The following PTPN3 variants were observed in gnomAD, a reference collection of about 807,000 sequenced individuals.
The protein encoded by PTPN3 is protein tyrosine phosphatase non-receptor type 3, also known as tyrosine-protein phosphatase non-receptor type 3.
Under a neutral mutation model 132.7 loss-of-function variants are expected in PTPN3, and 96 were observed. The observed-to-expected ratio is 0.72, with a 90% confidence interval of 0.61 to 0.86. The LOEUF (loss-of-function observed/expected upper bound fraction) is 0.86, where lower values mean the gene tolerates loss of function less well. Among genes scored for constraint, PTPN3 ranks in the 40% least tolerant of loss-of-function variants. The probability of loss-of-function intolerance (pLI) is 0.00; values close to 1 mark genes in which losing one functional copy is unlikely to be tolerated. For synonymous variants in PTPN3, 398 were observed against 429.0 expected (o/e 0.93, Z 0.89); for missense variants, 1,125 against 1,159.6 (o/e 0.97, Z 0.43).
At position 109,433,165 on chromosome 9, in the gene PTPN3, T is replaced by TA; in HGVS notation, c.676-5dup. 1 of 1,613,814 alleles carries TA rather than the reference T, an allele frequency of 6.2e-7. No homozygotes were observed. ...TTAGGTCTAAATTGTGCAGATCCTG[T>TA]AAAAAGGAAGATCTCAGATCCACAG... On this transcript the variant is annotated splice_region_variant and splice_polypyrimidine_tract_variant and intron_variant, in intron 9 of 25. Transcript: ENST00000374541.
At position 109,404,546 on chromosome 9, in the gene PTPN3, T is replaced by C. The variant is rs754391577; in HGVS notation, c.1855A>G (p.Ile619Val). 1.3e-6 allele frequency: 2 copies of C among 1,568,942 alleles called. No homozygotes were observed. The highest frequency in any genetic ancestry group is 1.7e-5 in the Admixed American group (1 of 57,806). ...CCACCCTCCGGACACATGGGGAAAA[T>C]GGCTTCGGGGAAAAGCTGGTTCAGT... is the stretch of plus-strand genomic sequence containing the variant. The part of the protein sequence containing the change: ...DELNQLFPEA[I>V]FPMCPEGGDT... The change falls in exon 19 of 26, where the codon ATT becomes GTT. Residue 619 changes from isoleucine (I) to valine (V), a missense_variant. Ile to Val is a conservative substitution (Grantham distance 29). Transcript: ENST00000374541.
In PTPN3 at chr9:109,457,232, CAT is replaced by C. The variant is rs2132030629; in HGVS notation, c.247-19_247-18del. The C allele has an allele frequency of 1.2e-6, 2 of 1,613,604 alleles. No homozygotes were observed. The highest frequency in any genetic ancestry group is 1.7e-6 in the Non-Finnish European group (2 of 1,179,764). On this transcript the variant is annotated intron_variant, in intron 3 of 25. Coordinates refer to ENST00000374541, the MANE Select transcript of PTPN3 (RefSeq NM_002829.4). ...CAGCCATCTCTGTTGGACAAGAAAA[CAT>C]AAAATATAAAAGCAAACCGTGAAGG...
chr9:109,387,154 C>T (rs941579345), intron 22 of PTPN3, among the ~76,000 whole-genome samples: 1 of 152,154 alleles, frequency 6.6e-6, no homozygotes, highest in Non-Finnish European at 1.5e-5. Flanking sequence ...CAGCTTCAGG[C>T]ACCTTGTATG....
Position 109,436,910 on chromosome 9 carries a change from G to C in PTPN3, c.648C>G (p.Phe216Leu), listed in dbSNP as rs1483402466. ...CYINIARTLD[F>L]YGVELHSGRD... is the part of the protein sequence containing the mutation. ...TACCACTGTGCAGTTCTACTCCATA[G>C]AAGTCGAGGGTCCGCGCTATGTTGA... Residue 216 changes from phenylalanine to leucine, a missense_variant, in exon 9 of 26, where the codon TTC (phenylalanine) becomes TTG (leucine). Transcript: ENST00000374541. 2 of 1,613,962 alleles carry C rather than the reference G, an allele frequency of 1.2e-6. No individual in the cohort carries two copies. Among genetic ancestry groups the C allele is most frequent in the African/African-American group, 2.7e-5 (2 of 74,906 alleles).
rs1847764294 is a variant in PTPN3, at chr9:109,498,098, C to A, written c.-18+121G>T. 1 of 145,902 alleles carries A rather than the reference C, an allele frequency of 6.9e-6. No homozygotes were observed. The highest frequency in any genetic ancestry group is 1.5e-5 in the Non-Finnish European group (1 of 65,660). 9.0% of individuals were successfully genotyped at this position (145,902 alleles called of 1,614,324 possible). The stretch of plus-strand genomic sequence containing the variant: ...CCCGGTGCAGCCGCACCCGCCAGCC[C>A]GCCCGCGCGTCCGCCGCGCGCCCCA... On this transcript the variant is annotated intron_variant, in intron 1 of 25. Coordinates refer to ENST00000374541, the MANE Select transcript of PTPN3 (RefSeq NM_002829.4). This position sits in a 1 kb window ranked among gnomAD's most constrained non-coding sequence, Gnocchi z 4.2.
intron 1 of PTPN3, among the ~76,000 whole-genome samples, chr9:109,473,543 C>T (rs1000236433): frequency 3.3e-5 from 5 of 152,098 alleles, no homozygotes; most frequent in Non-Finnish European, 7.4e-5. Context: ...AAGAATGCTG[C>T]GGGAGCCGCG....
intron 1 of PTPN3, among the ~76,000 whole-genome samples, chr9:109,476,118 G>A (rs182784908): frequency 5.5e-4 from 83 of 152,172 alleles, no homozygotes; most frequent in Admixed American, 4.4e-3. Context: ...TTTAATCCAG[G>A]GGGCCATCTC....
At chr9:109,536,610 G>A in the PTPN3 span, among the ~76,000 whole-genome samples, 2 of 152,226 alleles carry the variant, frequency 1.3e-5, no homozygotes, top group Non-Finnish European at 2.9e-5. Flanking sequence ...AAATGTTTGT[G>A]GGATTGGATG....
chr9:109,486,985 C>T (rs1331110269), intron 1 of PTPN3, among the ~76,000 whole-genome samples: 2 of 152,198 alleles, frequency 1.3e-5, no homozygotes, highest in African/African-American at 2.4e-5. Flanking sequence ...CCTTGCGGAA[C>T]TGTGAGTCAA....
chr9:109,382,594 C>A (rs951303857), intron 23 of PTPN3, 147 bp from the exon 24 acceptor site: 1 of 894,932 alleles, frequency 1.1e-6, no homozygotes, highest in Non-Finnish European at 1.7e-6. Flanking sequence ...TTCCTCCCCT[C>A]CTTCCCCAAA....
chr9:109,488,557 A>G (rs376317611), intron 1 of PTPN3, among the ~76,000 whole-genome samples: 2 of 152,298 alleles, frequency 1.3e-5, no homozygotes, highest in South Asian at 4.1e-4. Flanking sequence ...TAATAAAAAC[A>G]CGACTGCACT....
chr9:109,522,145 C>G, the PTPN3 span, among the ~76,000 whole-genome samples: 1 of 152,320 alleles, frequency 6.6e-6, no homozygotes, highest in Non-Finnish European at 1.5e-5. Flanking sequence ...TTAACCGCAC[C>G]TGGGAATATG....
chr9:109,471,671 C>T (rs1564472522), intron 1 of PTPN3, among the ~76,000 whole-genome samples: 1 of 147,334 alleles, frequency 6.8e-6, no homozygotes, highest in Non-Finnish European at 1.5e-5. Context: ...ATGGAAGGCA[C>T]TTTTTTTTTT....
chr9:109,426,666 C>T (rs1183368036), intron 12 of PTPN3, among the ~76,000 whole-genome samples: 2 of 152,178 alleles, frequency 1.3e-5, no homozygotes, highest in African/African-American at 2.4e-5. Context: ...AGAACCATGG[C>T]TCCATTTCCT....
intron 14 of PTPN3, among the ~76,000 whole-genome samples, chr9:109,419,300 C>T (rs759152533): frequency 7.9e-5 from 12 of 152,214 alleles, no homozygotes; most frequent in Non-Finnish European, 1.3e-4. Flanking sequence ...TTGCAATTCA[C>T]CTGCAAATGC....
chr9:109,403,978 T>C (rs1841352635), intron 19 of PTPN3, among the ~76,000 whole-genome samples: 1 of 152,210 alleles, frequency 6.6e-6, no homozygotes, highest in African/African-American at 2.4e-5. Flanking sequence ...TAACACTAAT[T>C]GCTCCAAATT....
chr9:109,475,531 A>G (rs746829026), intron 1 of PTPN3, among the ~76,000 whole-genome samples: 5 of 152,204 alleles, frequency 3.3e-5, no homozygotes, highest in Middle Eastern at 3.2e-3. Context: ...TTTCCCTCCG[A>G]GTAGTTCCAC....
the PTPN3 span, among the ~76,000 whole-genome samples, chr9:109,517,193 C>T: frequency 1.3e-5 from 2 of 152,030 alleles, no homozygotes; most frequent in Non-Finnish European, 2.9e-5. Flanking sequence ...CCTAGATGGA[C>T]CTAAGAGTTA....
chr9:109,413,340 T>C (rs888202556), intron 14 of PTPN3, among the ~76,000 whole-genome samples: 1 of 152,210 alleles, frequency 6.6e-6, no homozygotes, highest in Non-Finnish European at 1.5e-5. Context: ...CCTGCTCAAC[T>C]GTGTACACAG....
Sources: gnomAD v4.1 joint callset for allele counts (sites outside exome capture counted in the v4.1 genomes callset) on GRCh38, gnomAD v4.1.1 for gene constraint, Gnocchi (gnomAD v3.1) non-coding constraint, MANE v1.5 for transcripts, NCBI Gene and HGNC (gene_info 2026-07-23, HGNC 2026-07-21) for gene names.